SPATA6: variants seen among roughly 807,000 people sequenced by gnomAD.
The protein encoded by SPATA6 is spermatogenesis associated 6.
A neutral mutation model predicts 65.3 loss-of-function variants in SPATA6; 56 were observed. The observed-to-expected ratio is 0.86, with a 90% CI of 0.69 to 1.07. The LOEUF is 1.07. SPATA6 is among the 50% of genes least tolerant of loss of function. The pLI is 0.00. For missense variants in SPATA6, 590 were observed against 594.8 expected, an observed-to-expected ratio of 0.99 and a Z score of 0.08; for synonymous variants, 199 against 213.2, an observed-to-expected ratio of 0.93 and a Z score of 0.58.
chr1:48,315,529 G>A (rs1191152118), intron 11 of SPATA6, among the ~76,000 whole-genome samples: 2 of 152,126 alleles, frequency 1.3e-5, no homozygotes, highest in Non-Finnish European at 2.9e-5. Flanking sequence ...AGGTATTGAT[G>A]GGATGTATCT....
At chr1:48,351,646 T>G (rs996735466) in intron 11 of SPATA6, among the ~76,000 whole-genome samples, 2 of 152,100 alleles carry the variant, frequency 1.3e-5, no homozygotes, top group African/African-American at 4.8e-5. Context: ...TGTGATGTAT[T>G]TTCATTTTTA....
intron 3 of SPATA6, among the ~76,000 whole-genome samples, chr1:48,440,718 G>T (rs1228392690): frequency 2.0e-5 from 3 of 152,074 alleles, no homozygotes; most frequent in African/African-American, 7.2e-5. Flanking sequence ...AAAATATACT[G>T]CCCTGTCACC....
chr1:48,307,198 T>C (rs1645082063), intron 11 of SPATA6, among the ~76,000 whole-genome samples: 1 of 151,374 alleles, frequency 6.6e-6, no homozygotes, highest in African/African-American at 2.4e-5. Flanking sequence ...GGAGTAAAAA[T>C]ACAACTACTA....
the SPATA6 span, among the ~76,000 whole-genome samples, chr1:48,283,674 G>A: frequency 0.014 from 37 of 2,582 alleles, no homozygotes; most frequent in African/African-American, 0.019. Flanking sequence ...GCAAGACTCC[G>A]TCTCAAAAAA....
At chr1:48,331,279 T>A (rs1251878174) in intron 11 of SPATA6, among the ~76,000 whole-genome samples, 2 of 151,932 alleles carry the variant, frequency 1.3e-5, no homozygotes. Context: ...GAAATGAAGA[T>A]CGTCGAGATT....
chr1:48,431,446 C>T (rs1654395113), intron 3 of SPATA6, among the ~76,000 whole-genome samples: 2 of 152,118 alleles, frequency 1.3e-5, no homozygotes, highest in Admixed American at 6.5e-5. Flanking sequence ...TTACCAAACA[C>T]TCTACCCACC....
chr1:48,415,976 G>A lies in SPATA6; in HGVS notation c.239-2825C>T, dbSNP rs369687617. Reference sequence around the variant, plus strand: ...CCAGCACTTTTCAAGGCTGAGGAGCGTGGATTGCTTGAGCTCAGGAGTTCA... The same window carrying A: ...CCAGCACTTTTCAAGGCTGAGGAGCATGGATTGCTTGAGCTCAGGAGTTCA... On this transcript the variant is annotated intron_variant, in intron 3 of 12. Transcript: ENST00000371847. 9.9e-5 allele frequency among the ~76,000 whole-genome samples: 15 copies of A among 152,282 alleles called. No homozygotes were observed. In the East Asian group the frequency reaches 1.5e-3, roughly 16 times the overall value.
At position 48,359,539 on chromosome 1, in the gene SPATA6, C is replaced by G. The variant is rs1646748998; in HGVS notation, c.1094+47G>C. On this transcript the variant is annotated intron_variant, in intron 10 of 12. Transcript: ENST00000371847. ...ATAATTGCTGCTTCCCCTTCTAATACTTATTATTCAAAGATCAGTACAGAA... is the reference window on the plus strand; with the variant it reads ...ATAATTGCTGCTTCCCCTTCTAATAGTTATTATTCAAAGATCAGTACAGAA... The G allele has an allele frequency of 3.9e-6, 6 of 1,558,068 alleles. No homozygotes were observed. The East Asian group carries it at 1.4e-4, about 35-fold the overall frequency.
At chr1:48,406,569 T>C (rs1398905386) in intron 5 of SPATA6, among the ~76,000 whole-genome samples, 2 of 152,188 alleles carry the variant, frequency 1.3e-5, no homozygotes, top group Non-Finnish European at 2.9e-5. Flanking sequence ...ATTAAGTACC[T>C]ACTCCAGGCA....
the SPATA6 span, among the ~76,000 whole-genome samples, chr1:48,269,006 C>T: frequency 6.6e-6 from 1 of 152,210 alleles, no homozygotes; most frequent in Admixed American, 6.5e-5. Flanking sequence ...TTTGAGATCT[C>T]TAGGTATTCC....
At chr1:48,274,351 T>A in the SPATA6 span, among the ~76,000 whole-genome samples, 1 of 152,194 alleles carries the variant, frequency 6.6e-6, no homozygotes, top group Non-Finnish European at 1.5e-5. Flanking sequence ...TTTAATTAGA[T>A]CCCGTTGTAT....
chr1:48,298,760 A>T lies in SPATA6; in HGVS notation c.1420T>A (p.Tyr474Asn), dbSNP rs1459444392. The change falls in exon 13 of 13, where the codon TAC (tyrosine) becomes AAC (asparagine). Residue 474 changes from tyrosine (Y) to asparagine (N), a missense_variant. Tyr to Asn is a moderately radical substitution (Grantham distance 143). Transcript: ENST00000371847. Reference protein sequence around the residue: ...NSMDKMYRNLYKKACSSASHT... With the variant: ...NSMDKMYRNLNKKACSSASHT... ...GAAGCAGAACTACAGGCCTTTTTGT[A>T]TAAGTTCCTGTACATCTTGTCCATG... 1.2e-6 allele frequency: 2 copies of T among 1,613,908 alleles called. No homozygotes were observed. The highest frequency in any genetic ancestry group is 2.7e-5 in the African/African-American group (2 of 75,030).
intron 3 of SPATA6, among the ~76,000 whole-genome samples, chr1:48,444,427 T>A (rs1557717898): frequency 6.6e-6 from 1 of 151,382 alleles, no homozygotes; most frequent in African/African-American, 2.4e-5. Context: ...AACGCACCAA[T>A]CAGCACTGAG....
intron 11 of SPATA6, among the ~76,000 whole-genome samples, chr1:48,343,294 A>C (rs1191401367): frequency 6.6e-6 from 1 of 152,192 alleles, no homozygotes; most frequent in African/African-American, 2.4e-5. Context: ...GAAATACAAC[A>C]AAACACATCA....
Position 48,305,830 on chromosome 1 carries a change from G to C in SPATA6, c.1243C>G (p.Leu415Val), listed in dbSNP as rs1158646375. The change falls in exon 12 of 13, where the codon CTT becomes GTT. Residue 415 changes from leucine to valine, a missense_variant. Transcript: ENST00000371847. ...KDDELELKRS[L>V]LCRDSAYDSD... ...TCATAGGCAGAGTCTCTACATAAAA[G>C]ACTTCTTTTCAGTTCCAGTTCATCA... The C allele has an allele frequency of 1.2e-6, 2 of 1,612,126 alleles. No homozygotes were observed. Among genetic ancestry groups the C allele is most frequent in the Non-Finnish European group, 1.7e-6 (2 of 1,178,916 alleles).
At chr1:48,358,335 T>C (rs1416264599) in intron 10 of SPATA6, among the ~76,000 whole-genome samples, 1 of 151,844 alleles carries the variant, frequency 6.6e-6, no homozygotes, top group Non-Finnish European at 1.5e-5. Context: ...AAAATAAAAG[T>C]ATTTATAAAA....
intron 1 of SPATA6, among the ~76,000 whole-genome samples, chr1:48,460,467 A>G (rs2148183786): frequency 6.6e-6 from 1 of 152,304 alleles, no homozygotes; most frequent in East Asian, 1.9e-4. Flanking sequence ...CATACTTGAC[A>G]CTGAAAGACC....
At chr1:48,467,541 T>A (rs1257179879) in intron 1 of SPATA6, among the ~76,000 whole-genome samples, 1 of 152,060 alleles carries the variant, frequency 6.6e-6, no homozygotes, top group Non-Finnish European at 1.5e-5. Context: ...TATCCAATAA[T>A]AACCATAACC....
At chr1:48,305,977 T>A in intron 11 of SPATA6, 99 bp from the exon 12 acceptor site, 1 of 819,418 alleles carries the variant, frequency 1.2e-6, no homozygotes, top group South Asian at 1.9e-5. Context: ...CCTTTATAAA[T>A]TTTAATTCAT....
Sources: gnomAD v4.1 joint callset for allele counts (sites outside exome capture counted in the v4.1 genomes callset) on GRCh38, gnomAD v4.1.1 for gene constraint, MANE v1.5 for transcripts, NCBI Gene and HGNC (gene_info 2026-07-23, HGNC 2026-07-21) for gene names.